The following CBFA2T2 variants were observed in gnomAD, a reference collection of about 807,000 sequenced individuals.
CBFA2T2 encodes the protein CBFA2/RUNX1 partner transcriptional co-repressor 2.
Under a neutral mutation model 62.2 loss-of-function variants are expected in CBFA2T2, and 11 were observed. That is an observed-to-expected ratio of 0.18 (90% CI 0.11 to 0.29). The LOEUF (loss-of-function observed/expected upper bound fraction) is 0.29, where lower values mean the gene tolerates loss of function less well. Among genes scored for constraint, CBFA2T2 ranks in the 10% least tolerant of loss-of-function variants. The probability of loss-of-function intolerance (pLI) is 1.00; values close to 1 mark genes in which losing one functional copy is unlikely to be tolerated. For missense variants in CBFA2T2, 592 were observed against 774.1 expected (o/e 0.76, Z 2.79); for synonymous variants, 295 against 287.5 (o/e 1.03, Z -0.27).
chr20:33,535,617 TTTTTTC>T (rs1434221534), intron 1 of CBFA2T2, among the ~76,000 whole-genome samples: 2 of 143,462 alleles, frequency 1.4e-5, no homozygotes, highest in African/African-American at 5.6e-5. Flanking sequence ...TATTTTTTTA[TTTTTTC>T]TTTTTTTTTT....
intron 1 of CBFA2T2, among the ~76,000 whole-genome samples, chr20:33,494,721 T>A (rs1261749589): frequency 6.6e-6 from 1 of 151,854 alleles, no homozygotes; most frequent in Admixed American, 6.6e-5. Flanking sequence ...GCCTCAGCCT[T>A]CCAAATAGCT....
chr20:33,491,568 A>G (rs2011146643), intron 1 of CBFA2T2, among the ~76,000 whole-genome samples: 1 of 152,134 alleles, frequency 6.6e-6, no homozygotes, highest in Non-Finnish European at 1.5e-5. Flanking sequence ...GATTGAAGAT[A>G]GAAAAAGTAG....
intron 1 of CBFA2T2, among the ~76,000 whole-genome samples, chr20:33,589,445 C>CA (rs372251714): frequency 2.6e-5 from 4 of 152,068 alleles, no homozygotes; most frequent in African/African-American, 7.2e-5. Context: ...TGTTTACTTT[C>CA]AAAAAAATAA....
At chr20:33,582,467 A>C (rs887518964) in intron 1 of CBFA2T2, among the ~76,000 whole-genome samples, 2 of 150,334 alleles carry the variant, frequency 1.3e-5, no homozygotes, top group Non-Finnish European at 3.0e-5. Context: ...CAGCCTGGGC[A>C]ACAAGAGCGA....
chr20:33,490,391 A>T (rs2011137788), intron 1 of CBFA2T2, 90 bp downstream of exon 1: 1 of 1,171,594 alleles, frequency 8.5e-7, no homozygotes, highest in Non-Finnish European at 1.1e-6. Context: ...CCCGGGCGCG[A>T]GGCCGGGAGT....
At chr20:33,541,941 T>G (rs1264264063) in intron 1 of CBFA2T2, among the ~76,000 whole-genome samples, 4 of 152,108 alleles carry the variant, frequency 2.6e-5, no homozygotes. Flanking sequence ...TGCAGTGGCA[T>G]CATCATAGCT....
At chr20:33,500,386 T>C (rs2011258921) in intron 1 of CBFA2T2, among the ~76,000 whole-genome samples, 1 of 151,954 alleles carries the variant, frequency 6.6e-6, no homozygotes, top group Non-Finnish European at 1.5e-5. Context: ...TCTTCAACTT[T>C]CTTTCCCTAA....
At chr20:33,628,088 A>T (rs895512969) in intron 6 of CBFA2T2, among the ~76,000 whole-genome samples, 3 of 152,196 alleles carry the variant, frequency 2.0e-5, no homozygotes, top group Non-Finnish European at 4.4e-5. Flanking sequence ...GCTATGTATG[A>T]CATACCTGTT....
At chr20:33,571,025 G>A (rs753535889) in intron 1 of CBFA2T2, among the ~76,000 whole-genome samples, 9 of 152,192 alleles carry the variant, frequency 5.9e-5, no homozygotes, top group Non-Finnish European at 1.2e-4. Flanking sequence ...TCTAAAGTAA[G>A]GGAGGACAAC....
At chr20:33,561,923 T>G (rs2013103229) in intron 1 of CBFA2T2, among the ~76,000 whole-genome samples, 1 of 152,204 alleles carries the variant, frequency 6.6e-6, no homozygotes, top group South Asian at 2.1e-4. Context: ...TCTGTTTATA[T>G]TCCCCAAATT....
intron 1 of CBFA2T2, among the ~76,000 whole-genome samples, chr20:33,496,661 T>C (rs764198619): frequency 9.9e-5 from 15 of 152,200 alleles, no homozygotes; most frequent in Non-Finnish European, 1.8e-4. Context: ...GCATTACTAT[T>C]TAAAAGGGGT....
At chr20:33,500,202 G>A (rs1171744952) in intron 1 of CBFA2T2, among the ~76,000 whole-genome samples, 1 of 151,854 alleles carries the variant, frequency 6.6e-6, no homozygotes, top group Non-Finnish European at 1.5e-5. Flanking sequence ...TGATCTGCCC[G>A]CCTCTGCCTC....
intron 1 of CBFA2T2, among the ~76,000 whole-genome samples, chr20:33,592,672 G>C (rs140295839): frequency 1.4e-3 from 210 of 151,868 alleles, no homozygotes; most frequent in African/African-American, 4.8e-3. Flanking sequence ...TGGTAACAAA[G>C]CCAGACCTAG....
At chr20:33,531,798 C>G (rs1481992558) in intron 1 of CBFA2T2, among the ~76,000 whole-genome samples, 2 of 152,200 alleles carry the variant, frequency 1.3e-5, no homozygotes, top group South Asian at 2.1e-4. Context: ...CTTTTATCCT[C>G]CAAACCACCA....
chr20:33,491,484 T>G (rs930969920), intron 1 of CBFA2T2, among the ~76,000 whole-genome samples: 3 of 152,136 alleles, frequency 2.0e-5, no homozygotes, highest in Admixed American at 6.6e-5. Context: ...TGAGTACTAG[T>G]CTCAGAGCTG....
At chr20:33,619,831 T>C (rs1016192968) in intron 4 of CBFA2T2, among the ~76,000 whole-genome samples, 4 of 152,146 alleles carry the variant, frequency 2.6e-5, no homozygotes, top group East Asian at 1.9e-4. Context: ...TGCTAACACA[T>C]AGAAGTAGCT....
chr20:33,504,331 A>G (rs1341876815), intron 1 of CBFA2T2, among the ~76,000 whole-genome samples: 10 of 151,334 alleles, frequency 6.6e-5, no homozygotes, highest in Admixed American at 5.9e-4. Flanking sequence ...GCATGTGGAC[A>G]TATGTTTTTC....
chr20:33,596,056 G>A (rs1399538141), intron 1 of CBFA2T2, among the ~76,000 whole-genome samples: 1 of 152,150 alleles, frequency 6.6e-6, no homozygotes, highest in Non-Finnish European at 1.5e-5. Context: ...TAAATCTCTA[G>A]CTGGTCTGGA....
intron 2 of CBFA2T2, among the ~76,000 whole-genome samples, chr20:33,607,409 A>G (rs1236246361): frequency 1.3e-5 from 2 of 152,218 alleles, no homozygotes; most frequent in African/African-American, 4.8e-5. Flanking sequence ...TGGGATTCCA[A>G]GTAAGTTTTC....
Sources: allele counts gnomAD v4.1 joint callset (sites outside exome capture counted in the v4.1 genomes callset), GRCh38; gene constraint gnomAD v4.1.1; transcripts MANE v1.5; gene names NCBI Gene and HGNC (gene_info 2026-07-23, HGNC 2026-07-21).